The following ST3GAL1 variants were observed in gnomAD, a reference collection of about 807,000 sequenced individuals.
The protein encoded by ST3GAL1 is ST3 beta-galactoside alpha-2,3-sialyltransferase 1, also known as CMP-N-acetylneuraminate-beta-galactosamide-alpha-2,3-sialyltransferase 1.
In ST3GAL1, 16 loss-of-function variants were observed where a neutral mutation model predicts 34.1. The observed-to-expected ratio is 0.47, with a 90% confidence interval of 0.32 to 0.71. The LOEUF (loss-of-function observed/expected upper bound fraction) is 0.71, where lower values mean the gene tolerates loss of function less well. Among genes scored for constraint, ST3GAL1 ranks in the 30% least tolerant of loss-of-function variants. The pLI, the probability that ST3GAL1 is intolerant of heterozygous loss-of-function variation, is 0.04. For synonymous variants in ST3GAL1, 191 were observed against 184.7 expected, an observed-to-expected ratio of 1.03 and a Z score of -0.28; for missense variants, 353 against 447.4, an observed-to-expected ratio of 0.79 and a Z score of 1.90.
rs1484713414 is a variant in ST3GAL1 at position 133,459,683 on chromosome 8, G to A, written c.*81C>T. 1.6e-5 allele frequency: 24 copies of A among 1,508,734 alleles called. No individual in the cohort carries two copies. The highest frequency in any genetic ancestry group is 2.4e-5 in the East Asian group (1 of 41,716). The allele number at this position is 1,508,734 out of a possible 1,614,324, so 93.5% of individuals were successfully genotyped here. On this transcript the variant is annotated 3_prime_UTR_variant, in exon 10 of 10. Coordinates refer to ENST00000522652, the MANE Select transcript of ST3GAL1 (RefSeq NM_173344.3). This position sits in a 1 kb window ranked among gnomAD's most constrained non-coding sequence, Gnocchi z 4.7. Reference sequence around the variant, plus strand: ...ACCTGAGGCTGCCCCTCCAAGCTCCGGGATGGAACGGCTCCAGCAAGATGC... The same window carrying A: ...ACCTGAGGCTGCCCCTCCAAGCTCCAGGATGGAACGGCTCCAGCAAGATGC...
intron 2 of ST3GAL1, among the ~76,000 whole-genome samples, chr8:133,502,887 C>A (rs1273855422): frequency 6.6e-6 from 1 of 152,246 alleles, no homozygotes; most frequent in East Asian, 1.9e-4. Context: ...AGACAGTATA[C>A]CTCCCTGCTC....
chr8:133,511,647 A>G (rs1038568855), intron 2 of ST3GAL1, among the ~76,000 whole-genome samples: 1 of 152,172 alleles, frequency 6.6e-6, no homozygotes, highest in Non-Finnish European at 1.5e-5. Flanking sequence ...AACAGATACT[A>G]CCTAAGTTGT....
At chr8:133,514,357 AG>A (rs1469005609) in intron 2 of ST3GAL1, among the ~76,000 whole-genome samples, 1 of 152,192 alleles carries the variant, frequency 6.6e-6, no homozygotes, top group Non-Finnish European at 1.5e-5. Context: ...GCAGGAGCTC[AG>A]AATGGACCAG....
At chr8:133,540,958 T>C (rs183222203) in intron 2 of ST3GAL1, among the ~76,000 whole-genome samples, 178 of 71,382 alleles carry the variant, frequency 2.5e-3, no homozygotes, top group East Asian at 6.2e-3. Flanking sequence ...TATATAGACA[T>C]ATATATAGAC....
rs1485562524 is a variant in ST3GAL1, at chr8:133,461,766, C to A, written c.849+109G>T. The A allele has an allele frequency of 6.0e-6, 9 of 1,494,168 alleles. No individual in the cohort carries two copies. Among genetic ancestry groups the A allele is most frequent in the Non-Finnish European group, 9.1e-7 (1 of 1,098,334 alleles). The allele number at this position is 1,494,168 out of a possible 1,614,324, so 92.6% of individuals were successfully genotyped here. On this transcript the variant is annotated intron_variant, in intron 9 of 9. Coordinates refer to ENST00000522652, the MANE Select transcript of ST3GAL1 (RefSeq NM_173344.3). The surrounding 1 kb of genome is among the most constrained non-coding windows in gnomAD (Gnocchi z 4.7). ...TCGTAGAGACAGGGAATCCGAGCTT[C>A]CGGAAGAGGCAGGCTAGGTCTACCT...
intron 2 of ST3GAL1, among the ~76,000 whole-genome samples, chr8:133,528,119 A>G (rs6471130): frequency 0.97 from 146,969 of 151,708 alleles, 71,281 homozygotes; most frequent in East Asian, 1. Flanking sequence ...AGGTTGCAGT[A>G]AGCCAAGGTC....
intron 2 of ST3GAL1, among the ~76,000 whole-genome samples, chr8:133,528,291 G>A (rs1586643527): frequency 6.6e-6 from 1 of 152,268 alleles, no homozygotes; most frequent in African/African-American, 2.4e-5. Context: ...GTGCCTGCAG[G>A]GAAGGAGCAG....
chr8:133,568,905 A>G (rs1011001880), intron 1 of ST3GAL1, among the ~76,000 whole-genome samples: 22 of 152,256 alleles, frequency 1.4e-4, no homozygotes, highest in African/African-American at 5.1e-4. Context: ...CTTCATCCCC[A>G]TAAGAAGGGC....
chr8:133,532,593 T>C (rs1243941192), intron 2 of ST3GAL1, among the ~76,000 whole-genome samples: 1 of 152,164 alleles, frequency 6.6e-6, no homozygotes, highest in Non-Finnish European at 1.5e-5. Flanking sequence ...ATAAAAGCCA[T>C]GACATCAAAA....
rs142950708 is a variant in ST3GAL1 at position 133,510,613 on chromosome 8, T to C, written c.-428-11424A>G. On this transcript the variant is annotated intron_variant, in intron 2 of 9. Transcript: ENST00000522652. ...AATGCAGTTTTTCAATTGCATTAAT[T>C]AACTAATTAGTGCCACTAATTAATT... 4.4e-3 allele frequency among the ~76,000 whole-genome samples: 669 copies of C among 152,194 alleles called. 7 individuals carry two copies. The highest frequency in any genetic ancestry group is 0.014 in the African/African-American group (601 of 41,450).
intron 3 of ST3GAL1, among the ~76,000 whole-genome samples, chr8:133,477,206 T>C (rs943943406): frequency 2.0e-5 from 3 of 152,230 alleles, no homozygotes; most frequent in Admixed American, 1.3e-4. Context: ...CCCCTACTTA[T>C]AGAATGGTTA....
intron 2 of ST3GAL1, among the ~76,000 whole-genome samples, chr8:133,505,980 C>T (rs1234667664): frequency 6.6e-6 from 1 of 152,150 alleles, no homozygotes; most frequent in African/African-American, 2.4e-5. Flanking sequence ...ATTAATGCCA[C>T]TAATTAAATT....
chr8:133,491,683 C>T (rs1317802512), intron 3 of ST3GAL1, among the ~76,000 whole-genome samples: 1 of 152,210 alleles, frequency 6.6e-6, no homozygotes, highest in African/African-American at 2.4e-5. Flanking sequence ...ATTAAGATCA[C>T]GTTATAAACC....
At chr8:133,462,472 C>T (rs1815549226) in intron 8 of ST3GAL1, among the ~76,000 whole-genome samples, 1 of 152,190 alleles carries the variant, frequency 6.6e-6, no homozygotes, top group African/African-American at 2.4e-5. Flanking sequence ...GATAAGAAAA[C>T]TGAAGCCCAG....
intron 1 of ST3GAL1, among the ~76,000 whole-genome samples, chr8:133,547,403 G>C (rs572485353): frequency 1.3e-5 from 2 of 152,222 alleles, no homozygotes; most frequent in East Asian, 3.9e-4. Flanking sequence ...TGAGTAGCTG[G>C]AACTACAGGT....
chr8:133,483,934 T>G (rs1415225383), intron 3 of ST3GAL1, among the ~76,000 whole-genome samples: 1 of 152,230 alleles, frequency 6.6e-6, no homozygotes, highest in East Asian at 1.9e-4. Flanking sequence ...ATCAGTCTTT[T>G]TTCCCACACA....
intron 5 of ST3GAL1, among the ~76,000 whole-genome samples, chr8:133,470,624 C>A (rs530115843): frequency 3.0e-4 from 45 of 152,246 alleles, no homozygotes; most frequent in African/African-American, 9.4e-4. Context: ...GGGTCAGCTT[C>A]CCTGGAAGCA....
Position 133,512,648 on chromosome 8 carries a change from C to T in ST3GAL1, c.-428-13459G>A, listed in dbSNP as rs1229155. The stretch of plus-strand genomic sequence containing the variant: ...CTATGGCCAGCTGTGAGTCTGAGTC[C>T]GCACAGGGTTGGTCCAGGCCCGAGC... On this transcript the variant is annotated intron_variant, in intron 2 of 9. Transcript: ENST00000522652. Among the ~76,000 whole-genome samples the T allele has an allele frequency of 9.5e-3, 1,453 of 152,190 alleles. 16 individuals are homozygous for T. The highest frequency in any genetic ancestry group is 0.014 in the Middle Eastern group (4 of 294).
intron 1 of ST3GAL1, among the ~76,000 whole-genome samples, chr8:133,566,317 C>G (rs980643920): frequency 6.6e-6 from 1 of 152,216 alleles, no homozygotes; most frequent in Middle Eastern, 3.2e-3. Flanking sequence ...TAAAATCAGC[C>G]TCCTCCTACT....
Sources: allele counts gnomAD v4.1 joint callset (sites outside exome capture counted in the v4.1 genomes callset), GRCh38; gene constraint gnomAD v4.1.1; non-coding constraint Gnocchi (gnomAD v3.1); transcripts MANE v1.5; gene names NCBI Gene and HGNC (gene_info 2026-07-23, HGNC 2026-07-21).